Variants in PCDHGA6 observed in about 807,000 individuals in gnomAD.
PCDHGA6 encodes the protein protocadherin gamma-A6.
A neutral mutation model predicts 60.6 loss-of-function variants in PCDHGA6; 41 were observed. The ratio of observed to expected loss-of-function variants is 0.68; its 90% confidence interval spans 0.53 to 0.88. PCDHGA6 has a LOEUF of 0.88. Among genes scored for constraint, PCDHGA6 ranks in the 40% least tolerant of loss-of-function variants. The probability of loss-of-function intolerance (pLI) is 0.00; values close to 1 mark genes in which losing one functional copy is unlikely to be tolerated. For synonymous variants in PCDHGA6, 594 were observed against 524.4 expected, an observed-to-expected ratio of 1.13 and a Z score of -1.81; for missense variants, 1,312 against 1,203.0, an observed-to-expected ratio of 1.09 and a Z score of -1.34.
chr5:141,433,582 T>TCCCA (rs758953161), intron 1 of PCDHGA6, among the ~76,000 whole-genome samples: 4 of 151,942 alleles, frequency 2.6e-5, no homozygotes, highest in Non-Finnish European at 5.9e-5. Flanking sequence ...ACGCCTGTAA[T>TCCCA]CCCAGTACTT....
chr5:141,485,680 C>T lies in PCDHGA6; in HGVS notation c.2425-9127C>T. The T allele has an allele frequency of 6.2e-7, 1 of 1,613,966 alleles. No individual in the cohort carries two copies. Among genetic ancestry groups the T allele is most frequent in the South Asian group, 1.1e-5 (1 of 91,066 alleles). The stretch of plus-strand genomic sequence containing the variant: ...ATGTGGGGAGCAATTCGATTAGCAG[C>T]TATAGGCTGAGCTCCAATGAACACT... On this transcript the variant is annotated intron_variant, in intron 1 of 3. Coordinates refer to ENST00000517434, the MANE Select transcript of PCDHGA6 (RefSeq NM_018919.3). The surrounding 1 kb of genome is among the most constrained non-coding windows in gnomAD (Gnocchi z 5.7).
In PCDHGA6 at chr5:141,408,711, A is replaced by T. The variant is rs763392682; in HGVS notation, c.2424+32204A>T. The T allele has an allele frequency of 9.3e-6, 15 of 1,612,568 alleles. No homozygotes were observed. In the East Asian group the frequency reaches 3.3e-4, roughly 36 times the overall value. On this transcript the variant is annotated intron_variant, in intron 1 of 3. Transcript: ENST00000517434. The stretch of plus-strand genomic sequence containing the variant: ...ATAAACATAAACTCAATTAAAGATT[A>T]TAAGATAAACTCTAATCCTTATTTT...
chr5:141,504,434 A>C (rs2099838201), intron 2 of PCDHGA6, among the ~76,000 whole-genome samples: 1 of 152,234 alleles, frequency 6.6e-6, no homozygotes, highest in South Asian at 2.1e-4. Flanking sequence ...CAACAGCTGC[A>C]GTGTGACTAG....
intron 1 of PCDHGA6, among the ~76,000 whole-genome samples, chr5:141,448,768 G>T (rs544426582): frequency 2.6e-5 from 4 of 151,750 alleles, no homozygotes; most frequent in Non-Finnish European, 4.4e-5. Context: ...GTGAAACCCC[G>T]TCTGTACTAA....
intron 1 of PCDHGA6, among the ~76,000 whole-genome samples, chr5:141,447,098 A>G (rs2098525979): frequency 6.6e-6 from 1 of 151,934 alleles, no homozygotes. Flanking sequence ...TTTCTTTCAC[A>G]TGATTATATG....
intron 1 of PCDHGA6, among the ~76,000 whole-genome samples, chr5:141,458,596 G>A (rs907922436): frequency 1.8e-4 from 27 of 151,842 alleles, no homozygotes; most frequent in African/African-American, 5.8e-4. Flanking sequence ...TTGGAGACGA[G>A]TCTCACTCTG....
intron 1 of PCDHGA6, chr5:141,427,265 C>A (rs767369457): frequency 6.6e-6 from 3 of 456,572 alleles, no homozygotes; most frequent in Non-Finnish European, 8.8e-6. Context: ...GCATGACCAG[C>A]GAATGTAAAA....
intron 1 of PCDHGA6, chr5:141,384,675 G>A: frequency 6.2e-7 from 1 of 1,614,216 alleles, no homozygotes; most frequent in Non-Finnish European, 8.5e-7. Flanking sequence ...CCAAGGTGGT[G>A]GCGGTGGACA....
Position 141,375,967 on chromosome 5 carries a change from G to C in PCDHGA6, c.1884G>C (p.Thr628=), listed in dbSNP as rs200712802. The C allele has an allele frequency of 5.6e-6, 9 of 1,613,254 alleles. No individual in the cohort carries two copies. Among genetic ancestry groups the C allele is most frequent in the East Asian group, 2.2e-5 (1 of 44,882 alleles). The change falls in exon 1 of 4, where the codon ACG becomes ACC. Residue 628 remains threonine (T), a synonymous_variant. Transcript: ENST00000517434. ...GCCTGCACACGGGCGAGGTGCGCAC[G>C]GCGCGCGCCCTGCTGGACAGAGACG... ...SVGLHTGEVR[T]ARALLDRDAL...
intron 1 of PCDHGA6, chr5:141,421,360 T>G (rs549572548): frequency 6.2e-7 from 1 of 1,613,980 alleles, no homozygotes; most frequent in African/African-American, 1.3e-5. Context: ...AAAGGGCTCC[T>G]TCGTGGGCAA....
intron 1 of PCDHGA6, chr5:141,389,923 C>G: frequency 6.2e-7 from 1 of 1,614,076 alleles, no homozygotes; most frequent in Non-Finnish European, 8.5e-7. Context: ...CCCGACCCCT[C>G]TGACCTCCAG....
In PCDHGA6 at chr5:141,431,889, A is replaced by G; in HGVS notation, c.2424+55382A>G. 1 of 1,614,170 alleles carries G rather than the reference A, an allele frequency of 6.2e-7. No homozygotes were observed. The highest frequency in any genetic ancestry group is 2.2e-5 in the East Asian group (1 of 44,888). On this transcript the variant is annotated intron_variant, in intron 1 of 3. Transcript: ENST00000517434. The surrounding 1 kb of genome is among the most constrained non-coding windows in gnomAD (Gnocchi z 4.8). The stretch of plus-strand genomic sequence containing the variant: ...TTAAATGTAAATGACCAAGATTCTG[A>G]GGAAAACGGACAGGTGATCTGTTTC...
chr5:141,486,137 G>A lies in PCDHGA6; in HGVS notation c.2425-8670G>A, dbSNP rs1187526031. 1 of 1,614,074 alleles carries A rather than the reference G, an allele frequency of 6.2e-7. No individual in the cohort carries two copies. On this transcript the variant is annotated intron_variant, in intron 1 of 3. Coordinates refer to ENST00000517434, the MANE Select transcript of PCDHGA6 (RefSeq NM_018919.3). The surrounding 1 kb of genome is among the most constrained non-coding windows in gnomAD (Gnocchi z 5.0). ...GAATTACTATGAATTTGATGTGCGGGCTCGCGATGGGGGTTCTCCAGCCAT... is the reference window on the plus strand; with the variant it reads ...GAATTACTATGAATTTGATGTGCGGACTCGCGATGGGGGTTCTCCAGCCAT...
Position 141,432,691 on chromosome 5 carries a change from G to T in PCDHGA6, c.2424+56184G>T. 1 of 1,613,942 alleles carries T rather than the reference G, an allele frequency of 6.2e-7. No individual in the cohort carries two copies. The highest frequency in any genetic ancestry group is 1.1e-5 in the South Asian group (1 of 91,068). On this transcript the variant is annotated intron_variant, in intron 1 of 3. Coordinates refer to ENST00000517434, the MANE Select transcript of PCDHGA6 (RefSeq NM_018919.3). This position sits in a 1 kb window ranked among gnomAD's most constrained non-coding sequence, Gnocchi z 6.0. ...ACGCGCTCAAGCAGAGCCTCGTAGT[G>T]GCCGTCCAGGACCACGGCCAGCCCC... is the stretch of plus-strand genomic sequence containing the variant.
chr5:141,494,943 G>A, intron 2 of PCDHGA6, 78 bp downstream of exon 2: 2 of 1,610,326 alleles, frequency 1.2e-6, no homozygotes, highest in Non-Finnish European at 1.7e-6. Flanking sequence ...ATGGGGGAGG[G>A]CCCAGCATTT....
At chr5:141,381,974 C>T (rs1049134937) in intron 1 of PCDHGA6, among the ~76,000 whole-genome samples, 18 of 151,606 alleles carry the variant, frequency 1.2e-4, no homozygotes, top group Admixed American at 5.9e-4. Flanking sequence ...GGATTACAGG[C>T]GCGCGCCACC....
At chr5:141,410,366 G>A (rs3749767) in intron 1 of PCDHGA6, 379,797 of 1,613,758 alleles carry the variant, frequency 0.24, 48,670 homozygotes, top group African/African-American at 0.5. Context: ...TCTCAGCCCT[G>A]CTACTTGGGA....
chr5:141,411,536 A>G (rs1333872781), intron 1 of PCDHGA6: 1 of 152,248 alleles, frequency 6.6e-6, no homozygotes, highest in Admixed American at 6.5e-5. Context: ...GTGAGCCCTG[A>G]TCTTGCCACT....
Position 141,422,925 on chromosome 5 carries a change from T to G in PCDHGA6, c.2424+46418T>G, listed in dbSNP as rs568894245. On this transcript the variant is annotated intron_variant, in intron 1 of 3. Transcript: ENST00000517434. ...ACAATGCGCCCGAGATCCTGTACCC[T>G]GCCCTCCCCACAGACGGCTCCACTG... 1.9e-6 allele frequency: 3 copies of G among 1,614,202 alleles called. No individual in the cohort carries two copies. The Admixed American group carries it at 5.0e-5, about 27-fold the overall frequency.
Sources: gnomAD v4.1 joint callset for allele counts (sites outside exome capture counted in the v4.1 genomes callset) on GRCh38, gnomAD v4.1.1 for gene constraint, Gnocchi (gnomAD v3.1) non-coding constraint, MANE v1.5 for transcripts, NCBI Gene and HGNC (gene_info 2026-07-23, HGNC 2026-07-21) for gene names.